PTPRO: variants seen among roughly 807,000 people sequenced by gnomAD.
PTPRO encodes receptor-type tyrosine-protein phosphatase O.
In PTPRO, 62 loss-of-function variants were observed where a neutral mutation model predicts 145.2. The observed-to-expected ratio is 0.43, with a 90% confidence interval of 0.35 to 0.53. The LOEUF (loss-of-function observed/expected upper bound fraction) is 0.53. PTPRO is among the 20% of genes least tolerant of loss of function. The pLI, the probability that PTPRO is intolerant of heterozygous loss-of-function variation, is 0.01. For missense variants in PTPRO, 1,345 were observed against 1,482.7 expected, an observed-to-expected ratio of 0.91 and a Z score of 1.53; for synonymous variants, 565 against 514.7, an observed-to-expected ratio of 1.10 and a Z score of -1.32.
rs1944675791 is a variant in PTPRO, at chr12:15,597,204, T to C, written c.*1131T>C. ...GAGTGTAACTAGTAACATTTTATTC[T>C]TTGGATTTTGTATAATTACAGTACA... On this transcript the variant is annotated 3_prime_UTR_variant, in exon 27 of 27. Transcript: ENST00000281171. The C allele has an allele frequency of 6.6e-6, 1 of 152,250 alleles. No individual in the cohort carries two copies. Among genetic ancestry groups the C allele is most frequent in the South Asian group, 2.1e-4 (1 of 4,826 alleles). The allele number at this position is 152,250 out of a possible 1,614,324, so 9.4% of individuals were successfully genotyped here.
chr12:15,492,934 A>C (rs1942028656), intron 2 of PTPRO, among the ~76,000 whole-genome samples: 1 of 152,218 alleles, frequency 6.6e-6, no homozygotes, highest in Non-Finnish European at 1.5e-5. Context: ...GACTTGAAAA[A>C]TGACATGAAT....
At chr12:15,379,041 A>G (rs1938773807) in intron 1 of PTPRO, among the ~76,000 whole-genome samples, 1 of 152,202 alleles carries the variant, frequency 6.6e-6, no homozygotes, top group African/African-American at 2.4e-5. Context: ...AAGCCCTGGT[A>G]ATAAAGTAGA....
In PTPRO at chr12:15,507,454, G is replaced by T. The variant is rs561869947; in HGVS notation, c.1268-1117G>T. On this transcript the variant is annotated intron_variant, in intron 6 of 26. Transcript: ENST00000281171. The stretch of plus-strand genomic sequence containing the variant: ...ATAAATAAATAAATAAATAAATAAG[G>T]AATGAAATACGTAACACATAAAAAC... 2.6e-3 allele frequency among the ~76,000 whole-genome samples: 248 copies of T among 96,728 alleles called. 1 individual carries two copies. The highest frequency in any genetic ancestry group is 4.8e-3 in the Non-Finnish European group (197 of 40,702). 63.5% of individuals were successfully genotyped at this position (96,728 alleles called of 152,430 possible). A position where few individuals can be genotyped will look rare whatever the true frequency, so the allele number is the denominator to read the frequency against.
chr12:15,511,843 C>T (rs1477418629), intron 7 of PTPRO, among the ~76,000 whole-genome samples: 1 of 152,142 alleles, frequency 6.6e-6, no homozygotes, highest in Admixed American at 6.5e-5. Flanking sequence ...GGATTACAGG[C>T]GTGAGCCACC....
chr12:15,548,117 A>C lies in PTPRO; in HGVS notation c.2305-977A>C, dbSNP rs749018743. 1.7e-4 allele frequency among the ~76,000 whole-genome samples: 26 copies of C among 152,336 alleles called. No homozygotes were observed. In the Middle Eastern group the frequency reaches 0.01, roughly 60 times the overall value. On this transcript the variant is annotated intron_variant, in intron 13 of 26. Transcript: ENST00000281171. ...GAATTGCTACAAGTCAAAAAAGGTA[A>C]AGGTCAACAACCCAAAACAAATATT...
intron 1 of PTPRO, among the ~76,000 whole-genome samples, chr12:15,464,052 C>T (rs182140869): frequency 1.3e-5 from 2 of 152,156 alleles, no homozygotes; most frequent in East Asian, 1.9e-4. Context: ...TGGCTAAAAT[C>T]TCCCAGAAAT....
intron 12 of PTPRO, 86 bp from the exon 13 acceptor site, chr12:15,546,483 G>A: frequency 6.5e-7 from 1 of 1,540,596 alleles, no homozygotes; most frequent in Non-Finnish European, 8.8e-7. Context: ...TATTTGAATT[G>A]GGGGATGCTT....
At chr12:15,415,551 AT>A (rs768069428) in intron 1 of PTPRO, among the ~76,000 whole-genome samples, 20 of 147,936 alleles carry the variant, frequency 1.4e-4, no homozygotes, top group Non-Finnish European at 2.4e-4. Flanking sequence ...CACCCGGCTA[AT>A]TTTTTGTATT....
intron 14 of PTPRO, among the ~76,000 whole-genome samples, chr12:15,550,349 G>A (rs1484886077): frequency 6.6e-6 from 1 of 152,176 alleles, no homozygotes; most frequent in African/African-American, 2.4e-5. Flanking sequence ...TCTTCACATT[G>A]AGTAGGCTGA....
In PTPRO at chr12:15,342,168, A is replaced by G. The variant is rs541650621; in HGVS notation, c.75+19367A>G. On this transcript the variant is annotated intron_variant, in intron 1 of 26. Transcript: ENST00000281171. ...ACTAAAGTTTGCCATACCCAAGTGC[A>G]CTTTCTGTCACCTGAAGTCACAGCT... 3.3e-5 allele frequency among the ~76,000 whole-genome samples: 5 copies of G among 152,276 alleles called. No individual in the cohort carries two copies. The East Asian group carries it at 9.7e-4, about 29-fold the overall frequency.
chr12:15,517,907 A>T (rs1460702236), intron 9 of PTPRO, among the ~76,000 whole-genome samples: 1 of 152,162 alleles, frequency 6.6e-6, no homozygotes, highest in East Asian at 1.9e-4. Flanking sequence ...GCACAGTGCA[A>T]GCTGTCAGTG....
At chr12:15,550,615 G>A (rs565288262) in intron 14 of PTPRO, among the ~76,000 whole-genome samples, 15 of 152,262 alleles carry the variant, frequency 9.9e-5, no homozygotes, top group African/African-American at 3.6e-4. Context: ...CAGTACTCAA[G>A]CGAAAAAGCT....
At chr12:15,426,584 G>A (rs1413043116) in intron 1 of PTPRO, among the ~76,000 whole-genome samples, 1 of 151,834 alleles carries the variant, frequency 6.6e-6, no homozygotes. Context: ...TGACACTTTC[G>A]CTGCTTTAGG....
intron 25 of PTPRO, 139 bp from the exon 26 acceptor site, chr12:15,594,798 A>G (rs562207663): frequency 4.5e-5 from 30 of 661,128 alleles, no homozygotes; most frequent in South Asian, 3.1e-4. Flanking sequence ...TGGATTTTCT[A>G]GTTATAAAAC....
chr12:15,343,041 T>C (rs1302785928), intron 1 of PTPRO, among the ~76,000 whole-genome samples: 1 of 152,206 alleles, frequency 6.6e-6, no homozygotes, highest in Non-Finnish European at 1.5e-5. Flanking sequence ...TCTAATTTTA[T>C]CTTCCTCTCA....
chr12:15,587,917 C>T (rs1944464216), intron 24 of PTPRO, among the ~76,000 whole-genome samples: 1 of 152,172 alleles, frequency 6.6e-6, no homozygotes, highest in Non-Finnish European at 1.5e-5. Context: ...ATTAGAATGA[C>T]TAGAATGAGG....
intron 2 of PTPRO, among the ~76,000 whole-genome samples, chr12:15,495,799 T>TTA (rs1942086948): frequency 6.6e-6 from 1 of 152,186 alleles, no homozygotes; most frequent in African/African-American, 2.4e-5. Flanking sequence ...ATTTCATTGA[T>TTA]TATAAGCAGT....
At chr12:15,523,441 G>T (rs1402807897) in intron 10 of PTPRO, among the ~76,000 whole-genome samples, 1 of 152,158 alleles carries the variant, frequency 6.6e-6, no homozygotes, top group Non-Finnish European at 1.5e-5. Context: ...AGCTTGTGAT[G>T]AATTCTCTTC....
chr12:15,595,497 A>T, intron 26 of PTPRO: 1 of 196,240 alleles, frequency 5.1e-6, no homozygotes, highest in Non-Finnish European at 1.1e-5. Context: ...CAACAGTGAC[A>T]ATAGAGTCTC....
Sources: gnomAD v4.1 joint callset for allele counts (sites outside exome capture counted in the v4.1 genomes callset) on GRCh38, gnomAD v4.1.1 for gene constraint, MANE v1.5 for transcripts, NCBI Gene and HGNC (gene_info 2026-07-23, HGNC 2026-07-21) for gene names.